NRXN3: variants seen among roughly 807,000 people sequenced by gnomAD.
NRXN3 encodes neurexin III.
Under a neutral mutation model 137.6 loss-of-function variants are expected in NRXN3, and 32 were observed. The ratio of observed to expected loss-of-function variants is 0.23; its 90% CI spans 0.18 to 0.31. The LOEUF (loss-of-function observed/expected upper bound fraction) is 0.31. Ranked by LOEUF, NRXN3 falls within the 10% of genes least tolerant of loss-of-function variation. The probability of loss-of-function intolerance (pLI) is 1.00; values close to 1 mark genes in which losing one functional copy is unlikely to be tolerated. For synonymous variants in NRXN3, 798 were observed against 784.5 expected (o/e 1.02, Z -0.29); for missense variants, 1,574 against 2,062.5 (o/e 0.76, Z 4.59).
At position 79,095,558 on chromosome 14, in the gene NRXN3, A is replaced by AT. The variant is rs11334402; in HGVS notation, c.3262+107429dup. Among the ~76,000 whole-genome samples, 32 of 150,278 alleles carry AT rather than the reference A, an allele frequency of 2.1e-4. 1 individual carries two copies. In the East Asian group the frequency reaches 3.5e-3, roughly 16 times the overall value. On this transcript the variant is annotated intron_variant, in intron 15 of 20. Transcript: ENST00000335750. ...ATAACATATTTACAGAGCACCTACT[A>AT]TTTTTTTTTTTTACCAGGCAATGCT...
intron 15 of NRXN3, among the ~76,000 whole-genome samples, chr14:79,126,135 ACT>A (rs1491093654): frequency 1.3e-5 from 2 of 151,360 alleles, no homozygotes; most frequent in Non-Finnish European, 3.0e-5. Context: ...ATTAACTTAA[ACT>A]TTTTTTTTCC....
chr14:79,023,108 CTT>C (rs33929389), intron 15 of NRXN3, among the ~76,000 whole-genome samples: 1 of 139,796 alleles, frequency 7.2e-6, no homozygotes. Flanking sequence ...AGCCCTTTGC[CTT>C]TTTTTTTTTT....
At chr14:79,441,441 G>A (rs927388370) in intron 15 of NRXN3, among the ~76,000 whole-genome samples, 6 of 131,388 alleles carry the variant, frequency 4.6e-5, no homozygotes, top group African/African-American at 1.7e-4. Context: ...GTGCAGTGGT[G>A]CGATCTTGGC....
intron 15 of NRXN3, among the ~76,000 whole-genome samples, chr14:79,007,095 C>A (rs961280278): frequency 6.6e-6 from 1 of 152,142 alleles, no homozygotes; most frequent in Non-Finnish European, 1.5e-5. Context: ...AACACACTCA[C>A]GTAACAGAAG....
chr14:79,174,608 T>C (rs1198596096), intron 15 of NRXN3, among the ~76,000 whole-genome samples: 1 of 148,716 alleles, frequency 6.7e-6, no homozygotes, highest in Non-Finnish European at 1.5e-5. Flanking sequence ...ACATACCCAA[T>C]ATTGCATCAT....
At chr14:79,110,850 G>C (rs1217603145) in intron 15 of NRXN3, among the ~76,000 whole-genome samples, 1 of 151,432 alleles carries the variant, frequency 6.6e-6, no homozygotes, top group African/African-American at 2.4e-5. Flanking sequence ...GAGTGCAGTG[G>C]TGTGATCTTG....
intron 4 of NRXN3, among the ~76,000 whole-genome samples, chr14:78,517,864 T>C (rs2153797761): frequency 6.6e-6 from 1 of 152,266 alleles, no homozygotes; most frequent in African/African-American, 2.4e-5. Flanking sequence ...TCAGTTTAGA[T>C]TGTCAGAAAA....
chr14:79,015,027 C>A (rs868622182), intron 15 of NRXN3, among the ~76,000 whole-genome samples: 1 of 152,152 alleles, frequency 6.6e-6, no homozygotes, highest in East Asian at 1.9e-4. Flanking sequence ...CTGTCAATGC[C>A]TTCCCTCTGA....
Position 78,986,106 on chromosome 14 carries a change from T to C in NRXN3, c.3143-1916T>C, listed in dbSNP as rs140759048. 3.5e-3 allele frequency among the ~76,000 whole-genome samples: 530 copies of C among 152,316 alleles called. 13 individuals carry two copies. Among genetic ancestry groups the C allele is most frequent in the East Asian group, 0.021 (107 of 5,180 alleles). ...CGAACCCTTTGTAGTCGTGCATCTC[T>C]TTTGAACATGCGTCTTTAGGACCCT... On this transcript the variant is annotated intron_variant, in intron 14 of 20. Transcript: ENST00000335750.
intron 15 of NRXN3, among the ~76,000 whole-genome samples, chr14:79,337,457 T>C (rs2092338320): frequency 6.6e-6 from 1 of 152,184 alleles, no homozygotes; most frequent in South Asian, 2.1e-4. Context: ...TATCTAATGA[T>C]GACTTCAGGA....
intron 4 of NRXN3, among the ~76,000 whole-genome samples, chr14:78,340,577 C>T (rs2082038229): frequency 6.6e-6 from 1 of 152,138 alleles, no homozygotes; most frequent in Non-Finnish European, 1.5e-5. Context: ...GAGGCTGAGA[C>T]CCTTGGTTCT....
At chr14:78,751,475 C>T (rs530550203) in intron 8 of NRXN3, among the ~76,000 whole-genome samples, 1 of 152,216 alleles carries the variant, frequency 6.6e-6, no homozygotes, top group Non-Finnish European at 1.5e-5. Context: ...CTCCTCCTTG[C>T]TCCCTATTTC....
intron 20 of NRXN3, among the ~76,000 whole-genome samples, chr14:79,820,762 G>A (rs2099269473): frequency 1.3e-5 from 2 of 152,064 alleles, no homozygotes; most frequent in African/African-American, 4.8e-5. Context: ...ATAAGTTAAT[G>A]CTTACTCTCT....
At chr14:79,015,449 C>T (rs1488279753) in intron 15 of NRXN3, among the ~76,000 whole-genome samples, 1 of 152,170 alleles carries the variant, frequency 6.6e-6, no homozygotes, top group Non-Finnish European at 1.5e-5. Flanking sequence ...GGGACATTGG[C>T]TGCTAGCTAT....
chr14:78,598,319 C>T (rs2097174835), intron 4 of NRXN3, among the ~76,000 whole-genome samples: 1 of 151,476 alleles, frequency 6.6e-6, no homozygotes, highest in Non-Finnish European at 1.5e-5. Flanking sequence ...ACACTGACTG[C>T]CAAGGGGGCT....
chr14:78,906,048 A>G (rs56403448), intron 10 of NRXN3, among the ~76,000 whole-genome samples: 10,149 of 152,056 alleles, frequency 0.067, 971 homozygotes, highest in East Asian at 0.4. Flanking sequence ...TTATTGATAG[A>G]AAATTAACCC....
intron 10 of NRXN3, among the ~76,000 whole-genome samples, chr14:78,863,598 TC>T (rs2099078813): frequency 6.6e-6 from 1 of 152,044 alleles, no homozygotes; most frequent in Non-Finnish European, 1.5e-5. Context: ...CCTACAGCCT[TC>T]CCAACAAGTG....
At chr14:78,844,485 G>A (rs1455862598) in intron 10 of NRXN3, among the ~76,000 whole-genome samples, 1 of 151,996 alleles carries the variant, frequency 6.6e-6, no homozygotes, top group Admixed American at 6.6e-5. Context: ...TTCCATGATT[G>A]GGCAAGTTAC....
intron 4 of NRXN3, among the ~76,000 whole-genome samples, chr14:78,617,907 TGAA>T (rs1472977556): frequency 2.0e-5 from 3 of 149,888 alleles, no homozygotes; most frequent in Non-Finnish European, 3.0e-5. Flanking sequence ...TTTTTGCCAT[TGAA>T]AGTAATGGCA....
Sources: allele counts gnomAD v4.1 joint callset (sites outside exome capture counted in the v4.1 genomes callset), GRCh38; gene constraint gnomAD v4.1.1; transcripts MANE v1.5; gene names NCBI Gene and HGNC (gene_info 2026-07-23, HGNC 2026-07-21).